DNAH7: variants seen among roughly 807,000 people sequenced by gnomAD.
The protein encoded by DNAH7 is dynein axonemal heavy chain 7.
In DNAH7, 397 loss-of-function variants were observed where a neutral mutation model predicts 444.6. The ratio of observed to expected loss-of-function variants is 0.89; its 90% CI spans 0.82 to 0.97. DNAH7 has a LOEUF of 0.97. DNAH7 is among the 50% of genes least tolerant of loss of function. DNAH7 has a pLI of 0.00. For missense variants in DNAH7, 4,902 were observed against 4,800.8 expected, an observed-to-expected ratio of 1.02 and a Z score of -0.62; for synonymous variants, 1,636 against 1,624.4, an observed-to-expected ratio of 1.01 and a Z score of -0.17.
At chr2:195,988,627 T>C (rs1693087136) in intron 12 of DNAH7, among the ~76,000 whole-genome samples, 1 of 152,164 alleles carries the variant, frequency 6.6e-6, no homozygotes, top group Admixed American at 6.5e-5. Context: ...TGTGTATTGA[T>C]CAAATCAACA....
At chr2:195,938,693 A>G (rs1363443431) in intron 19 of DNAH7, among the ~76,000 whole-genome samples, 1 of 152,120 alleles carries the variant, frequency 6.6e-6, no homozygotes, top group Non-Finnish European at 1.5e-5. Context: ...ACAACAACAA[A>G]CCATGGAAAG....
In DNAH7 at chr2:195,958,202, G is replaced by A. The variant is rs749694306; in HGVS notation, c.2892-755C>T. 5.9e-5 allele frequency among the ~76,000 whole-genome samples: 9 copies of A among 152,032 alleles called. 1 individual carries two copies. The South Asian group carries it at 6.2e-4, about 11-fold the overall frequency. On this transcript the variant is annotated intron_variant, in intron 18 of 64. Transcript: ENST00000312428. ...CCTCTTCTGCTTCTGCCATCCCTGA[G>A]ATAAGAAGACCAACCCCTCCTCTTC...
At chr2:196,051,630 G>A (rs553570050) in intron 2 of DNAH7, among the ~76,000 whole-genome samples, 1 of 152,068 alleles carries the variant, frequency 6.6e-6, no homozygotes, top group African/African-American at 2.4e-5. Flanking sequence ...AGCCGGGCGT[G>A]GTGGTGGGTG....
At chr2:195,886,466 T>C (rs1054805900) in intron 33 of DNAH7, among the ~76,000 whole-genome samples, 194 bp from the exon 34 acceptor site, 19 of 152,192 alleles carry the variant, frequency 1.2e-4, no homozygotes, top group Admixed American at 6.5e-5. Flanking sequence ...GTGTGTACTC[T>C]TTAACCTTTC....
chr2:195,784,348 C>T (rs928241595), intron 58 of DNAH7, among the ~76,000 whole-genome samples: 2 of 152,170 alleles, frequency 1.3e-5, no homozygotes, highest in African/African-American at 4.8e-5. Flanking sequence ...GTCGAAATCA[C>T]AGACTACGCA....
chr2:195,977,308 T>A (rs879113906), intron 15 of DNAH7, among the ~76,000 whole-genome samples: 1 of 152,042 alleles, frequency 6.6e-6, no homozygotes, highest in Non-Finnish European at 1.5e-5. Context: ...TTTGAAATAA[T>A]GAAAAAAGAA....
Position 195,845,174 on chromosome 2 carries a change from C to G in DNAH7, c.8782-9G>C. ...CACTCTTTAGTTTGATTCTTTAGAA[C>G]ATCCACAGAAAGATAAAGAAATGAG... On this transcript the variant is annotated splice_polypyrimidine_tract_variant and intron_variant, in intron 46 of 64. Coordinates refer to ENST00000312428, the MANE Select transcript of DNAH7 (RefSeq NM_018897.3). The G allele has an allele frequency of 2.5e-6, 4 of 1,600,104 alleles. No individual in the cohort carries two copies. Among genetic ancestry groups the G allele is most frequent in the Non-Finnish European group, 3.4e-6 (4 of 1,173,820 alleles).
chr2:195,860,989 T>C (rs576463218), intron 42 of DNAH7, among the ~76,000 whole-genome samples: 1 of 152,194 alleles, frequency 6.6e-6, no homozygotes, highest in East Asian at 1.9e-4. Flanking sequence ...ATTATTTAAG[T>C]ATCTAGTAAT....
rs751562227 is a variant in DNAH7, at chr2:195,960,758, G to T, written c.2393C>A (p.Ala798Glu). Residue 798 changes from alanine (A) to glutamate (E), a missense_variant, in exon 18 of 65, where the codon GCA becomes GAA. Coordinates refer to ENST00000312428, the MANE Select transcript of DNAH7 (RefSeq NM_018897.3). ...YHKVNPDQVE[A>E]DIGNYWRGLY... ...TCCTCTCCAGTAATTTCCAATATCT[G>T]CTTCTACTTGGTCTGGATTCACTTT... is the stretch of plus-strand genomic sequence containing the variant. 6.2e-7 allele frequency: 1 copy of T among 1,614,050 alleles called. No individual in the cohort carries two copies. Among genetic ancestry groups the T allele is most frequent in the Admixed American group, 1.7e-5 (1 of 60,020 alleles).
intron 42 of DNAH7, among the ~76,000 whole-genome samples, chr2:195,861,263 T>TA (rs201375199): frequency 0.012 from 1,804 of 152,144 alleles, 17 homozygotes; most frequent in Non-Finnish European, 0.017. Context: ...TCCAGAACAT[T>TA]AAAAAAACTC....
intron 24 of DNAH7, 49 bp downstream of exon 24, chr2:195,922,039 G>C (rs1688056417): frequency 3.8e-6 from 4 of 1,049,110 alleles, no homozygotes; most frequent in East Asian, 4.7e-5. Flanking sequence ...CAGTGGTACA[G>C]GGGTGAGTGA....
intron 19 of DNAH7, 76 bp from the exon 20 acceptor site, chr2:195,936,868 GATT>G: frequency 8.8e-7 from 1 of 1,132,718 alleles, no homozygotes; most frequent in Non-Finnish European, 1.2e-6. Flanking sequence ...TTATATTTGA[GATT>G]ATATGTTTGT....
Position 196,028,035 on chromosome 2 carries a change from A to G in DNAH7, c.411T>C (p.Ala137=). The change falls in exon 6 of 65, where the codon GCT becomes GCC. Residue 137 remains alanine (A), a synonymous_variant. Transcript: ENST00000312428. The part of the protein sequence containing the change: ...TLVNVIMQQD[A]DLDSAVPDGS... ...CATCAGGGACAGCTGAGTCTAAGTC[A>G]GCATCTTGTTGCCTAAGAAAATGAT... 2 of 1,606,736 alleles carry G rather than the reference A, an allele frequency of 1.2e-6. No homozygotes were observed. Among genetic ancestry groups the G allele is most frequent in the Non-Finnish European group, 1.7e-6 (2 of 1,176,260 alleles).
At chr2:195,998,341 G>C (rs1158026141) in intron 12 of DNAH7, among the ~76,000 whole-genome samples, 1 of 152,124 alleles carries the variant, frequency 6.6e-6, no homozygotes, top group Non-Finnish European at 1.5e-5. Flanking sequence ...TTGGGAGGCA[G>C]AGGTGGGCGG....
At chr2:195,934,928 A>T in intron 20 of DNAH7, 139 bp from the exon 21 acceptor site, 1 of 852,024 alleles carries the variant, frequency 1.2e-6, no homozygotes, top group South Asian at 1.8e-5. Flanking sequence ...CCCCCAAAAC[A>T]AACAAACAAA....
intron 47 of DNAH7, among the ~76,000 whole-genome samples, chr2:195,841,422 C>T (rs1253727218): frequency 6.6e-6 from 1 of 151,828 alleles, no homozygotes; most frequent in African/African-American, 2.4e-5. Flanking sequence ...ATGTTTGTGA[C>T]TTCAGCTTAT....
intron 15 of DNAH7, among the ~76,000 whole-genome samples, chr2:195,981,078 TA>T (rs1486701318): frequency 6.6e-6 from 1 of 151,766 alleles, no homozygotes; most frequent in Admixed American, 6.6e-5. Flanking sequence ...GATAATATAT[TA>T]TATTTGAAAA....
chr2:196,037,918 AG>A (rs1171233380), intron 5 of DNAH7, among the ~76,000 whole-genome samples: 1 of 152,160 alleles, frequency 6.6e-6, no homozygotes, highest in Non-Finnish European at 1.5e-5. Flanking sequence ...CAATCCAAAA[AG>A]TTCCTCTCTG....
rs1453308957 is a variant in DNAH7, at chr2:195,824,317, A to T, written c.9229T>A (p.Phe3077Ile). 1.2e-6 allele frequency: 2 copies of T among 1,613,808 alleles called. No individual in the cohort carries two copies. The highest frequency in any genetic ancestry group is 2.7e-5 in the African/African-American group (2 of 74,904). Reference protein sequence around the residue: ...GDSTIEYAPDFRFYITTKLRN... With the variant: ...GDSTIEYAPDIRFYITTKLRN... ...AACTTGGTAGTAATATAGAAGCGGA[A>T]GTCAGGTGCATATTCAATTGTGGAG... is the stretch of plus-strand genomic sequence containing the variant. The change falls in exon 49 of 65, where the codon TTC becomes ATC. Residue 3077 changes from phenylalanine to isoleucine, a missense_variant. Physicochemically the swap from Phe to Ile is conservative, Grantham distance 21. Transcript: ENST00000312428.
Sources: gnomAD v4.1 joint callset for allele counts (sites outside exome capture counted in the v4.1 genomes callset) on GRCh38, gnomAD v4.1.1 for gene constraint, MANE v1.5 for transcripts, NCBI Gene and HGNC (gene_info 2026-07-23, HGNC 2026-07-21) for gene names.